NR4A3: variants seen among roughly 807,000 people sequenced by gnomAD.
NR4A3 encodes chondrosarcoma, extraskeletal myxoid, fused to EWS.
Under a neutral mutation model 55.6 loss-of-function variants are expected in NR4A3, and 13 were observed. That is an observed-to-expected ratio of 0.23 (90% CI 0.15 to 0.37). NR4A3 has a LOEUF of 0.37. NR4A3 is among the 10% of genes least tolerant of loss of function. The probability of loss-of-function intolerance (pLI) is 1.00; values close to 1 mark genes in which losing one functional copy is unlikely to be tolerated. For missense variants in NR4A3, 646 were observed against 822.8 expected, an observed-to-expected ratio of 0.79 and a Z score of 2.63; for synonymous variants, 342 against 357.9, an observed-to-expected ratio of 0.96 and a Z score of 0.50.
At chr9:99,830,935 G>T (rs1827427346) in intron 3 of NR4A3, among the ~76,000 whole-genome samples, 1 of 152,116 alleles carries the variant, frequency 6.6e-6, no homozygotes, top group Admixed American at 6.5e-5. Context: ...CTTTTCTGCA[G>T]CAATCCCTCG....
chr9:99,826,765 C>T, intron 2 of NR4A3: 1 of 1,613,760 alleles, frequency 6.2e-7, no homozygotes, highest in South Asian at 1.1e-5. Context: ...AGATTTCATC[C>T]CATACATGCA....
At chr9:99,847,358 G>T (rs572152880) in intron 6 of NR4A3, 79 bp from the exon 7 acceptor site, 2 of 1,373,010 alleles carry the variant, frequency 1.5e-6, no homozygotes, top group South Asian at 1.3e-5. Flanking sequence ...GGCTGTCTGT[G>T]TGCCTGTGTG....
rs774263489 is a variant in NR4A3 at position 99,828,294 on chromosome 9, C to A, written c.252C>A (p.Ile84=). ...TGTACCAAATGCAGCGGCCCTTGATCAAAGTGGAGGAGGGGCGGGCGCCCA... is the reference window on the plus strand; with the variant it reads ...TGTACCAAATGCAGCGGCCCTTGATAAAAGTGGAGGAGGGGCGGGCGCCCA... ...SCVYQMQRPL[I]KVEEGRAPSY... Residue 84 remains isoleucine, a synonymous_variant, in exon 3 of 8, where the codon ATC becomes ATA. Transcript: ENST00000395097. The surrounding 1 kb of genome is among the most constrained non-coding windows in gnomAD (Gnocchi z 7.7). 66 of 1,613,846 alleles carry A rather than the reference C, an allele frequency of 4.1e-5. No homozygotes were observed. In the East Asian group the frequency reaches 7.8e-4, roughly 19 times the overall value.
At chr9:99,857,001 A>G (rs1220883414) in intron 7 of NR4A3, among the ~76,000 whole-genome samples, 4 of 152,260 alleles carry the variant, frequency 2.6e-5, no homozygotes, top group Middle Eastern at 3.2e-3. Flanking sequence ...ATGTTGCTTA[A>G]TAAATAAACT....
chr9:99,860,096 T>C (rs1827984662), intron 7 of NR4A3, among the ~76,000 whole-genome samples: 1 of 152,122 alleles, frequency 6.6e-6, no homozygotes, highest in South Asian at 2.1e-4. Context: ...CAAAACCCCA[T>C]AGGTATTTTC....
At chr9:99,827,505 A>G (rs993347083) in intron 2 of NR4A3, among the ~76,000 whole-genome samples, 4 of 152,196 alleles carry the variant, frequency 2.6e-5, no homozygotes, top group African/African-American at 4.8e-5. Context: ...GGCAACCTCA[A>G]TTGGCACTCA....
rs527439378 is a variant in NR4A3 at position 99,833,168 on chromosome 9, G to A, written c.1082-114G>A. ...CCAAACTTATTACCACTTTTAAATG[G>A]TTGGTCTCATTAATGATTGCTCAAC... On this transcript the variant is annotated intron_variant, in intron 4 of 7. Coordinates refer to ENST00000395097, the MANE Select transcript of NR4A3 (RefSeq NM_006981.4). The A allele has an allele frequency of 3.1e-5, 40 of 1,308,444 alleles. No homozygotes were observed. The East Asian group carries it at 9.0e-4, about 30-fold the overall frequency. 81.1% of individuals were successfully genotyped at this position (1,308,444 alleles called of 1,614,324 possible).
At chr9:99,848,826 C>G (rs898038182) in intron 7 of NR4A3, among the ~76,000 whole-genome samples, 6 of 152,162 alleles carry the variant, frequency 3.9e-5, no homozygotes, top group African/African-American at 1.4e-4. Context: ...GGCCCTTGCC[C>G]CAGCTCCCTT....
chr9:99,860,523 T>C (rs1257837570), intron 7 of NR4A3, among the ~76,000 whole-genome samples: 2 of 152,250 alleles, frequency 1.3e-5, no homozygotes, highest in African/African-American at 4.8e-5. Flanking sequence ...CTGCCAAATT[T>C]ACAGCCTGTT....
At chr9:99,834,369 G>GA (rs758536449) in intron 5 of NR4A3, among the ~76,000 whole-genome samples, 11 of 151,480 alleles carry the variant, frequency 7.3e-5, no homozygotes, top group Non-Finnish European at 1.0e-4. Context: ...GGAAGAGAAG[G>GA]AAAAAAAATC....
At chr9:99,859,098 T>TA (rs1239243316) in intron 7 of NR4A3, among the ~76,000 whole-genome samples, 3 of 152,224 alleles carry the variant, frequency 2.0e-5, no homozygotes, top group East Asian at 3.8e-4. Flanking sequence ...ATGCCAGAGT[T>TA]AAAATACTAA....
At chr9:99,823,984 G>A (rs1196219775) in intron 1 of NR4A3, among the ~76,000 whole-genome samples, 2 of 152,174 alleles carry the variant, frequency 1.3e-5, no homozygotes, top group Non-Finnish European at 1.5e-5. Context: ...TCACCACCGG[G>A]AGGGGAACAC....
At chr9:99,826,544 GAGA>G (rs1424939592) in intron 2 of NR4A3, among the ~76,000 whole-genome samples, 7 of 152,234 alleles carry the variant, frequency 4.6e-5, no homozygotes, top group African/African-American at 1.7e-4. Flanking sequence ...GTGCTGAAGG[GAGA>G]AGGAGAATAG....
Position 99,847,427 on chromosome 9 carries a change from C to T in NR4A3, c.1455-10C>T, listed in dbSNP as rs759100582. On this transcript the variant is annotated splice_polypyrimidine_tract_variant and intron_variant, in intron 6 of 7. Coordinates refer to ENST00000395097, the MANE Select transcript of NR4A3 (RefSeq NM_006981.4). Reference sequence around the variant, plus strand: ...ACCTGTTTAATGTTTGTCTTCCTCTCACCTCCCAGGTCAAACACTGCTGAA... The same window carrying T: ...ACCTGTTTAATGTTTGTCTTCCTCTTACCTCCCAGGTCAAACACTGCTGAA... 6.2e-7 allele frequency: 1 copy of T among 1,613,392 alleles called. No individual in the cohort carries two copies. Among genetic ancestry groups the T allele is most frequent in the East Asian group, 2.2e-5 (1 of 44,880 alleles).
intron 7 of NR4A3, among the ~76,000 whole-genome samples, chr9:99,852,068 A>G (rs1827858263): frequency 6.6e-6 from 1 of 152,200 alleles, no homozygotes; most frequent in Non-Finnish European, 1.5e-5. Context: ...CTGAAAAGGG[A>G]CAGATGCAGT....
chr9:99,856,422 C>T (rs115814882), intron 7 of NR4A3, among the ~76,000 whole-genome samples: 10 of 152,214 alleles, frequency 6.6e-5, no homozygotes, highest in South Asian at 2.1e-4. Context: ...ATGCAAATAA[C>T]GGGGAGTGGC....
intron 3 of NR4A3, among the ~76,000 whole-genome samples, chr9:99,831,278 G>A (rs1295987064): frequency 6.6e-6 from 1 of 152,172 alleles, no homozygotes; most frequent in Non-Finnish European, 1.5e-5. Flanking sequence ...CATGTTCAAT[G>A]AAAGCTTTAT....
rs1443103555 is a variant in NR4A3, at chr9:99,856,458, G to A, written c.1634-7162G>A. ...TGTAAATACAGATGAAGCTTCACTT[G>A]CTTGCCTGCCGCTCACCTCCTGTTG... is the stretch of plus-strand genomic sequence containing the variant. On this transcript the variant is annotated intron_variant, in intron 7 of 7. Coordinates refer to ENST00000395097, the MANE Select transcript of NR4A3 (RefSeq NM_006981.4). 2.6e-5 allele frequency among the ~76,000 whole-genome samples: 4 copies of A among 152,156 alleles called. No individual in the cohort carries two copies. The East Asian group carries it at 5.8e-4, about 22-fold the overall frequency.
At chr9:99,857,164 GATA>G (rs775059655) in intron 7 of NR4A3, among the ~76,000 whole-genome samples, 5 of 152,150 alleles carry the variant, frequency 3.3e-5, no homozygotes, top group Non-Finnish European at 5.9e-5. Flanking sequence ...ACATCACAGA[GATA>G]ATAACGGAAG....
Sources: gnomAD v4.1 joint callset for allele counts (sites outside exome capture counted in the v4.1 genomes callset) on GRCh38, gnomAD v4.1.1 for gene constraint, Gnocchi (gnomAD v3.1) non-coding constraint, MANE v1.5 for transcripts, NCBI Gene and HGNC (gene_info 2026-07-23, HGNC 2026-07-21) for gene names.